The following TNNI3K variants were observed in gnomAD, a reference collection of about 807,000 sequenced individuals.
TNNI3K encodes serine/threonine-protein kinase TNNI3K.
In TNNI3K, 140 loss-of-function variants were observed where a neutral mutation model predicts 114.5. The ratio of observed to expected loss-of-function variants is 1.22; its 90% confidence interval spans 1.07 to 1.41. The LOEUF (loss-of-function observed/expected upper bound fraction) is 1.41, where lower values mean the gene tolerates loss of function less well. Among genes scored for constraint, TNNI3K ranks in the 40% most tolerant of loss-of-function variants. The pLI is 0.00. For synonymous variants in TNNI3K, 347 were observed against 347.5 expected, an observed-to-expected ratio of 1.00 and a Z score of 0.02; for missense variants, 1,125 against 1,007.6, an observed-to-expected ratio of 1.12 and a Z score of -1.58.
intron 5 of TNNI3K, among the ~76,000 whole-genome samples, chr1:74,320,518 C>A (rs1261280285): frequency 2.0e-5 from 3 of 152,142 alleles, no homozygotes; most frequent in Non-Finnish European, 4.4e-5. Context: ...ATTAAATAGT[C>A]AGTTTTCTGG....
At chr1:74,306,618 T>G (rs1658655866) in intron 5 of TNNI3K, among the ~76,000 whole-genome samples, 1 of 152,236 alleles carries the variant, frequency 6.6e-6, no homozygotes, top group Non-Finnish European at 1.5e-5. Flanking sequence ...TTTGCATTTC[T>G]CTGATGATTA....
intron 20 of TNNI3K, among the ~76,000 whole-genome samples, chr1:74,453,273 G>A (rs963259829): frequency 1.3e-5 from 2 of 152,126 alleles, no homozygotes; most frequent in African/African-American, 4.8e-5. Flanking sequence ...AAAATGTATA[G>A]TACTTTATTG....
intron 21 of TNNI3K, among the ~76,000 whole-genome samples, chr1:74,478,476 A>C (rs1470945675): frequency 2.0e-5 from 3 of 152,190 alleles, no homozygotes; most frequent in Non-Finnish European, 2.9e-5. Context: ...AACAGATGTA[A>C]AAGTAACTAA....
chr1:74,260,877 A>G (rs1655622024), intron 4 of TNNI3K, among the ~76,000 whole-genome samples: 1 of 152,106 alleles, frequency 6.6e-6, no homozygotes, highest in Non-Finnish European at 1.5e-5. Context: ...TAAATTATAT[A>G]CATTAACAAA....
At chr1:74,488,662 T>C (rs1668888203) in intron 21 of TNNI3K, among the ~76,000 whole-genome samples, 1 of 152,212 alleles carries the variant, frequency 6.6e-6, no homozygotes, top group Non-Finnish European at 1.5e-5. Context: ...TAATGGGCAA[T>C]ATTTTTAATG....
At chr1:74,358,630 T>C (rs1661785389) in intron 11 of TNNI3K, among the ~76,000 whole-genome samples, 1 of 152,108 alleles carries the variant, frequency 6.6e-6, no homozygotes, top group African/African-American at 2.4e-5. Context: ...CCTATCTATT[T>C]CAAGTTTAGT....
At chr1:74,355,508 G>A (rs1380204099) in intron 11 of TNNI3K, among the ~76,000 whole-genome samples, 2 of 152,092 alleles carry the variant, frequency 1.3e-5, no homozygotes, top group Non-Finnish European at 2.9e-5. Context: ...GGAGGCTGAG[G>A]CAGGAGAATC....
intron 2 of TNNI3K, among the ~76,000 whole-genome samples, chr1:74,241,804 G>A (rs1265958196): frequency 6.6e-6 from 1 of 150,934 alleles, no homozygotes; most frequent in Admixed American, 6.6e-5. Flanking sequence ...GTCAATTTTG[G>A]CTTTTGTTGC....
chr1:74,264,862 C>T (rs963356577), intron 4 of TNNI3K, among the ~76,000 whole-genome samples: 2 of 151,906 alleles, frequency 1.3e-5, no homozygotes, highest in South Asian at 2.1e-4. Flanking sequence ...TAAGCTTACA[C>T]CTGTAAGTAT....
intron 17 of TNNI3K, chr1:74,372,096 A>G (rs1295312410): frequency 7.1e-5 from 1 of 14,118 alleles, no homozygotes; most frequent in African/African-American, 9.8e-5. Flanking sequence ...TTTTAAGAAA[A>G]AAAAAAAAAA....
chr1:74,526,019 T>C (rs1250978910), intron 23 of TNNI3K, among the ~76,000 whole-genome samples: 1 of 152,156 alleles, frequency 6.6e-6, no homozygotes, highest in Non-Finnish European at 1.5e-5. Flanking sequence ...AGGCAAAGGG[T>C]CCCAGAGGTT....
chr1:74,490,758 T>A (rs274603), intron 22 of TNNI3K, among the ~76,000 whole-genome samples: 1,820 of 152,200 alleles, frequency 0.012, 40 homozygotes, highest in African/African-American at 0.04. Context: ...GCAGATATAA[T>A]CAAGTTAAGA....
At chr1:74,468,987 T>A (rs1667790137) in intron 21 of TNNI3K, 1 of 152,186 alleles carries the variant, frequency 6.6e-6, no homozygotes. Flanking sequence ...TTCCAGTGTA[T>A]AAGGAGGAGT....
At chr1:74,506,748 T>C (rs1287216670) in intron 23 of TNNI3K, among the ~76,000 whole-genome samples, 2 of 152,216 alleles carry the variant, frequency 1.3e-5, no homozygotes, top group African/African-American at 4.8e-5. Context: ...CTTTTAGTTT[T>C]AGTGTACTGT....
chr1:74,271,853 G>T lies in TNNI3K; in HGVS notation c.444+145G>T, dbSNP rs1656372987. ...GAACACATTGGGGTAAAATTTAGCT[G>T]TATAAATGAGCTTTGGATAGTCAAT... is the stretch of plus-strand genomic sequence containing the variant. On this transcript the variant is annotated intron_variant, in intron 5 of 24. Coordinates refer to ENST00000326637, the MANE Select transcript of TNNI3K (RefSeq NM_015978.3). 1.4e-5 allele frequency: 8 copies of T among 572,580 alleles called. No homozygotes were observed. The South Asian group carries it at 2.2e-4, about 16-fold the overall frequency. The allele number at this position is 572,580 out of a possible 1,614,324, so 35.5% of individuals were successfully genotyped here.
At chr1:74,283,731 A>T (rs1657152718) in intron 5 of TNNI3K, among the ~76,000 whole-genome samples, 1 of 152,128 alleles carries the variant, frequency 6.6e-6, no homozygotes, top group African/African-American at 2.4e-5. Context: ...TATGCACTGA[A>T]TTTGCTTCCA....
chr1:74,520,361 A>G (rs1646414165), intron 23 of TNNI3K, among the ~76,000 whole-genome samples: 1 of 152,088 alleles, frequency 6.6e-6, no homozygotes, highest in South Asian at 2.1e-4. Flanking sequence ...ATTTGAGACT[A>G]CTTCGCGTGA....
In TNNI3K at chr1:74,481,719, G is replaced by C. The variant is rs1432331539; in HGVS notation, c.2122-7470G>C. On this transcript the variant is annotated intron_variant, in intron 21 of 24. Coordinates refer to ENST00000326637, the MANE Select transcript of TNNI3K (RefSeq NM_015978.3). ...ATCACCTCAGAGCTATCACTGCTCTGTCATTAGAAATCAAAGCATTTTAAC... is the reference window on the plus strand; with the variant it reads ...ATCACCTCAGAGCTATCACTGCTCTCTCATTAGAAATCAAAGCATTTTAAC... Among the ~76,000 whole-genome samples the C allele has an allele frequency of 2.0e-5, 3 of 152,138 alleles. No homozygotes were observed. The South Asian group carries it at 6.2e-4, about 32-fold the overall frequency.
intron 17 of TNNI3K, among the ~76,000 whole-genome samples, chr1:74,394,613 C>T (rs1663975525): frequency 6.6e-6 from 1 of 152,156 alleles, no homozygotes; most frequent in African/African-American, 2.4e-5. Flanking sequence ...TACTAGCCTG[C>T]AAAATAGCTC....
Sources: gnomAD v4.1 joint callset for allele counts (sites outside exome capture counted in the v4.1 genomes callset) on GRCh38, gnomAD v4.1.1 for gene constraint, MANE v1.5 for transcripts, NCBI Gene and HGNC (gene_info 2026-07-23, HGNC 2026-07-21) for gene names.